HIVEP3: variants seen among roughly 807,000 people sequenced by gnomAD.
HIVEP3 encodes HIVEP zinc finger 3.
In HIVEP3, 49 loss-of-function variants were observed where a neutral mutation model predicts 152.8. That is an observed-to-expected ratio of 0.32 (90% confidence interval 0.26 to 0.41). HIVEP3 has a LOEUF of 0.41. Ranked by LOEUF, HIVEP3 falls within the 10% of genes least tolerant of loss-of-function variation. The pLI is 1.00. For synonymous variants in HIVEP3, 1,269 were observed against 1,289.0 expected (o/e 0.98, Z 0.33); for missense variants, 2,790 against 3,103.3 (o/e 0.90, Z 2.40).
intron 1 of HIVEP3, among the ~76,000 whole-genome samples, chr1:41,775,492 T>C (rs553389522): frequency 6.6e-5 from 10 of 152,176 alleles, no homozygotes; most frequent in African/African-American, 2.2e-4. Context: ...TTTGTGTTTT[T>C]GTTTTTTTGT....
intron 1 of HIVEP3, among the ~76,000 whole-genome samples, chr1:41,773,924 T>C (rs1037048928): frequency 1.3e-5 from 2 of 152,242 alleles, no homozygotes; most frequent in Non-Finnish European, 2.9e-5. Flanking sequence ...GTGAATGAGA[T>C]TTGTCAATTA....
intron 1 of HIVEP3, among the ~76,000 whole-genome samples, chr1:41,706,309 A>T (rs896228593): frequency 2.6e-5 from 4 of 151,898 alleles, no homozygotes; most frequent in Non-Finnish European, 5.9e-5. Flanking sequence ...ATTTTTTTTG[A>T]GACGGAGTCT....
At chr1:41,854,570 T>C (rs528337357) in intron 1 of HIVEP3, among the ~76,000 whole-genome samples, 2 of 131,188 alleles carry the variant, frequency 1.5e-5, no homozygotes, top group East Asian at 4.2e-4. Context: ...CATGTGCACA[T>C]TGTGCAGGTT....
At chr1:42,032,673 AT>A (rs1645619789) in intron 1 of HIVEP3, among the ~76,000 whole-genome samples, 1 of 151,896 alleles carries the variant, frequency 6.6e-6, no homozygotes, top group South Asian at 2.1e-4. Flanking sequence ...TCCCCTGGGA[AT>A]GTCATCTTGT....
intron 1 of HIVEP3, among the ~76,000 whole-genome samples, chr1:41,829,089 G>C (rs1570622711): frequency 2.7e-5 from 4 of 150,782 alleles, no homozygotes; most frequent in Non-Finnish European, 5.9e-5. Context: ...CCACTGGCTT[G>C]GCCTGCCTGG....
chr1:41,780,528 G>C (rs1443153621), intron 1 of HIVEP3, among the ~76,000 whole-genome samples: 1 of 152,170 alleles, frequency 6.6e-6, no homozygotes, highest in Non-Finnish European at 1.5e-5. Context: ...AAGTGGCCAT[G>C]GTCAGGGCCC....
chr1:41,691,297 T>C (rs529379956), intron 2 of HIVEP3, among the ~76,000 whole-genome samples: 128 of 152,362 alleles, frequency 8.4e-4, no homozygotes, highest in African/African-American at 3.0e-3. Context: ...ATGTACCTAC[T>C]GTAAAAAGTT....
At chr1:41,771,038 C>T (rs1420815424) in intron 1 of HIVEP3, among the ~76,000 whole-genome samples, 1 of 151,938 alleles carries the variant, frequency 6.6e-6, no homozygotes. Flanking sequence ...TAAAGGGCCA[C>T]AGTACATAAA....
At chr1:41,794,952 G>C (rs901927021) in intron 1 of HIVEP3, among the ~76,000 whole-genome samples, 35 of 152,174 alleles carry the variant, frequency 2.3e-4, no homozygotes, top group Middle Eastern at 3.2e-3. Flanking sequence ...TTTAGAGACA[G>C]GGTCTTGCTC....
chr1:41,735,882 G>A (rs756262863), intron 1 of HIVEP3, among the ~76,000 whole-genome samples: 1 of 152,188 alleles, frequency 6.6e-6, no homozygotes, highest in African/African-American at 2.4e-5. Context: ...GCTGGAGAGA[G>A]AAGGAAGCAA....
rs961085413 is a variant in HIVEP3, at chr1:42,004,897, T to C, written n.119+30910A>G. Among the ~76,000 whole-genome samples, 12 of 152,328 alleles carry C rather than the reference T, an allele frequency of 7.9e-5. No individual in the cohort carries two copies. In the South Asian group the frequency reaches 1.7e-3, roughly 21 times the overall value. On this transcript the variant is annotated intron_variant and non_coding_transcript_variant, in intron 1 of 3. Coordinates refer to the HIVEP3 transcript ENST00000489103. The stretch of plus-strand genomic sequence containing the variant: ...ACAGCAACTCATTTAGTAAGCAAAA[T>C]AGCTCCTAACAGATGTGTTTCAAAT...
chr1:41,835,606 T>C (rs1643098646), intron 1 of HIVEP3, among the ~76,000 whole-genome samples: 1 of 152,256 alleles, frequency 6.6e-6, no homozygotes, highest in Admixed American at 6.5e-5. Context: ...TGCTCTTCCA[T>C]GGTTAACTTC....
intron 2 of HIVEP3, among the ~76,000 whole-genome samples, chr1:41,638,440 AAAGAG>A (rs1166297256): frequency 1.3e-5 from 2 of 152,086 alleles, no homozygotes; most frequent in Admixed American, 6.5e-5. Flanking sequence ...AGAAAGAAAG[AAAGAG>A]AAAAGAAGAG....
Position 41,581,285 on chromosome 1 carries a change from G to A in HIVEP3, c.3513C>T (p.Leu1171=). Residue 1171 remains leucine (L), a synonymous_variant, in exon 4 of 9, where the codon CTC becomes CTT. Coordinates refer to ENST00000372583, the MANE Select transcript of HIVEP3 (RefSeq NM_024503.5). The surrounding 1 kb of genome is among the most constrained non-coding windows in gnomAD (Gnocchi z 4.5). ...GGGGCATGGAGTATGGTGAGGACAG[G>A]AGGCTGGACATGGCCTGGGTGGAGA... The part of the protein sequence containing the change: ...EFFSTQAMSS[L]LSSPYSMPPL... 3 of 1,610,740 alleles carry A rather than the reference G, an allele frequency of 1.9e-6. No individual in the cohort carries two copies. The highest frequency in any genetic ancestry group is 2.5e-6 in the Non-Finnish European group (3 of 1,178,536).
intron 5 of HIVEP3, among the ~76,000 whole-genome samples, chr1:41,551,427 T>C (rs1218177066): frequency 6.6e-6 from 1 of 152,228 alleles, no homozygotes; most frequent in Non-Finnish European, 1.5e-5. Flanking sequence ...CTTTTTCTAT[T>C]GCTTGGAATC....
intron 6 of HIVEP3, among the ~76,000 whole-genome samples, chr1:41,524,392 C>T (rs1232082551): frequency 1.3e-5 from 2 of 152,138 alleles, no homozygotes; most frequent in Admixed American, 6.5e-5. Flanking sequence ...GGATAAACGG[C>T]TCAGGAGACA....
intron 5 of HIVEP3, among the ~76,000 whole-genome samples, chr1:41,554,420 G>A (rs908875856): frequency 3.3e-5 from 5 of 152,126 alleles, no homozygotes; most frequent in Admixed American, 6.5e-5. Context: ...GCTTCCTTGC[G>A]ATGGGTTCGA....
chr1:41,819,243 C>T (rs2124339435), intron 1 of HIVEP3, among the ~76,000 whole-genome samples: 1 of 152,196 alleles, frequency 6.6e-6, no homozygotes, highest in Admixed American at 6.5e-5. Context: ...TACACTTCGC[C>T]CATCACCCAG....
chr1:41,929,451 C>T (rs1380857922), intron 1 of HIVEP3, among the ~76,000 whole-genome samples: 6 of 151,906 alleles, frequency 3.9e-5, no homozygotes, highest in African/African-American at 1.5e-4. Context: ...CCAGAAGATG[C>T]TCCAGGCTCA....
Sources: gnomAD v4.1 joint callset for allele counts (sites outside exome capture counted in the v4.1 genomes callset) on GRCh38, gnomAD v4.1.1 for gene constraint, Gnocchi (gnomAD v3.1) non-coding constraint, MANE v1.5 for transcripts, NCBI Gene and HGNC (gene_info 2026-07-23, HGNC 2026-07-21) for gene names.